PTPRD: variants seen among roughly 807,000 people sequenced by gnomAD.
The protein encoded by PTPRD is receptor-type tyrosine-protein phosphatase delta.
Under a neutral mutation model 214.5 loss-of-function variants are expected in PTPRD, and 34 were observed. The observed-to-expected ratio is 0.16, with a 90% CI of 0.12 to 0.21. The LOEUF (loss-of-function observed/expected upper bound fraction) is 0.21, where lower values mean the gene tolerates loss of function less well. Ranked by LOEUF, PTPRD falls within the 10% of genes least tolerant of loss-of-function variation. The pLI, the probability that PTPRD is intolerant of heterozygous loss-of-function variation, is 1.00. For missense variants in PTPRD, 2,545 were observed against 2,398.7 expected (o/e 1.06, Z -1.27); for synonymous variants, 1,128 against 845.7 (o/e 1.33, Z -5.79).
rs996667538 is a variant in PTPRD at position 10,316,118 on chromosome 9, T to C, written c.-545+24845A>G. Among the ~76,000 whole-genome samples, 6 of 148,232 alleles carry C rather than the reference T, an allele frequency of 4.0e-5. No homozygotes were observed. The South Asian group carries it at 1.0e-3, about 26-fold the overall frequency. On this transcript the variant is annotated intron_variant, in intron 3 of 45. Transcript: ENST00000381196. ...GGTAATTTATGTGTATGTGTCTATA[T>C]ATATATATATACATATATACACATA...
chr9:9,527,698 T>C (rs2154261117), intron 8 of PTPRD, among the ~76,000 whole-genome samples: 1 of 152,326 alleles, frequency 6.6e-6, no homozygotes, highest in South Asian at 2.1e-4. Context: ...TTTTTATATG[T>C]TCTCTTTCCC....
At chr9:8,959,699 AGTATATCCT>A (rs2099149083) in intron 11 of PTPRD, among the ~76,000 whole-genome samples, 1 of 152,080 alleles carries the variant, frequency 6.6e-6, no homozygotes, top group Non-Finnish European at 1.5e-5. Context: ...AGAATCATTG[AGTATATCCT>A]TTGGAAAGCA....
chr9:9,707,092 G>A (rs147932415), intron 7 of PTPRD, among the ~76,000 whole-genome samples: 1 of 152,188 alleles, frequency 6.6e-6, no homozygotes, highest in African/African-American at 2.4e-5. Flanking sequence ...ATTCCAAGTT[G>A]CTAACAATGG....
At chr9:8,440,023 G>C (rs1364004740) in intron 34 of PTPRD, among the ~76,000 whole-genome samples, 1 of 127,032 alleles carries the variant, frequency 7.9e-6, no homozygotes, top group Non-Finnish European at 1.6e-5. Context: ...GCTATATATT[G>C]ATATTTTTAA....
At chr9:8,721,309 A>G (rs1173007316) in intron 12 of PTPRD, among the ~76,000 whole-genome samples, 1 of 151,804 alleles carries the variant, frequency 6.6e-6, no homozygotes, top group Non-Finnish European at 1.5e-5. Context: ...ACATGCCTGT[A>G]ATCCTAGCTA....
intron 8 of PTPRD, among the ~76,000 whole-genome samples, chr9:9,465,665 A>C (rs1473004354): frequency 1.3e-5 from 2 of 152,172 alleles, no homozygotes; most frequent in East Asian, 3.9e-4. Context: ...TCTATGCCCC[A>C]AACCCAATGC....
intron 33 of PTPRD, among the ~76,000 whole-genome samples, chr9:8,457,450 G>T (rs377005854): frequency 2.0e-5 from 3 of 152,044 alleles, no homozygotes; most frequent in Admixed American, 6.6e-5. Context: ...CCAAGCCCTG[G>T]TGATTTTTTT....
At chr9:10,346,298 G>C (rs1450481721) in intron 2 of PTPRD, among the ~76,000 whole-genome samples, 3 of 152,038 alleles carry the variant, frequency 2.0e-5, no homozygotes, top group African/African-American at 7.2e-5. Flanking sequence ...GTTATGTCCA[G>C]GAATGAACAT....
chr9:9,370,660 T>C lies in PTPRD; in HGVS notation c.-203+26789A>G, dbSNP rs1426220901. ...CTTCCAACACTATGTTGAATAGGAGTGGTGAGAGAGGGCATCCCTGTCTTG... is the reference window on the plus strand; with the variant it reads ...CTTCCAACACTATGTTGAATAGGAGCGGTGAGAGAGGGCATCCCTGTCTTG... On this transcript the variant is annotated intron_variant, in intron 9 of 45. Coordinates refer to ENST00000381196, the MANE Select transcript of PTPRD (RefSeq NM_002839.4). 2.6e-5 allele frequency among the ~76,000 whole-genome samples: 4 copies of C among 151,496 alleles called. No individual in the cohort carries two copies. The East Asian group carries it at 5.8e-4, about 22-fold the overall frequency.
At chr9:8,437,373 T>G (rs1432714921) in intron 34 of PTPRD, 12 of 667,374 alleles carry the variant, frequency 1.8e-5, no homozygotes, top group Non-Finnish European at 3.0e-5. Flanking sequence ...TCACTATACA[T>G]TGTGGCTAGT....
At chr9:10,264,832 A>T (rs1328555758) in intron 3 of PTPRD, among the ~76,000 whole-genome samples, 3 of 152,034 alleles carry the variant, frequency 2.0e-5, no homozygotes, top group Non-Finnish European at 2.9e-5. Context: ...TAGCTCCCAT[A>T]ATCCCCACGT....
chr9:9,358,389 A>G (rs931708025), intron 9 of PTPRD, among the ~76,000 whole-genome samples: 5 of 151,412 alleles, frequency 3.3e-5, no homozygotes, highest in East Asian at 1.9e-4. Context: ...TGAAATCAGA[A>G]AAGAATATAC....
chr9:10,376,683 G>A (rs1361605826), intron 2 of PTPRD, among the ~76,000 whole-genome samples: 1 of 151,776 alleles, frequency 6.6e-6, no homozygotes, highest in Admixed American at 6.6e-5. Context: ...TTTGCAGTCA[G>A]AGAAGATAAT....
At chr9:9,844,096 C>A (rs2153645478) in intron 5 of PTPRD, among the ~76,000 whole-genome samples, 1 of 152,016 alleles carries the variant, frequency 6.6e-6, no homozygotes, top group South Asian at 2.1e-4. Flanking sequence ...TTAATAAAAT[C>A]CTATATTCTT....
intron 7 of PTPRD, among the ~76,000 whole-genome samples, chr9:9,670,772 C>G (rs1017298684): frequency 2.6e-5 from 4 of 152,102 alleles, no homozygotes; most frequent in South Asian, 2.1e-4. Context: ...TGCGGGTGCA[C>G]AGAAGTCAAG....
At chr9:8,762,043 T>C (rs948290102) in intron 11 of PTPRD, among the ~76,000 whole-genome samples, 11 of 152,222 alleles carry the variant, frequency 7.2e-5, no homozygotes, top group Admixed American at 3.9e-4. Flanking sequence ...AGTAGGGAGA[T>C]TGAGACTGAA....
intron 6 of PTPRD, among the ~76,000 whole-genome samples, chr9:9,751,364 T>G (rs1347002562): frequency 2.0e-5 from 3 of 152,078 alleles, no homozygotes; most frequent in African/African-American, 7.2e-5. Context: ...CTGACTGGGT[T>G]TTGAACTCCA....
intron 8 of PTPRD, among the ~76,000 whole-genome samples, chr9:9,558,497 G>A (rs867790382): frequency 2.6e-5 from 4 of 152,102 alleles, no homozygotes; most frequent in African/African-American, 9.7e-5. Context: ...CAAACTTTGG[G>A]TACACACACC....
chr9:8,556,052 A>G (rs541100635), intron 14 of PTPRD, among the ~76,000 whole-genome samples: 8 of 152,294 alleles, frequency 5.3e-5, no homozygotes, highest in Admixed American at 1.3e-4. Context: ...TTGGGAAAAC[A>G]TCTGGGCTGT....
Sources: gnomAD v4.1 joint callset for allele counts (sites outside exome capture counted in the v4.1 genomes callset) on GRCh38, gnomAD v4.1.1 for gene constraint, MANE v1.5 for transcripts, NCBI Gene and HGNC (gene_info 2026-07-23, HGNC 2026-07-21) for gene names.